Variants in JMJD1C observed in about 807,000 individuals in gnomAD.
JMJD1C encodes jumonji domain containing 1C.
In JMJD1C, 31 loss-of-function variants were observed where a neutral mutation model predicts 245.3. That is an observed-to-expected ratio of 0.13 (90% CI 0.09 to 0.17). The LOEUF (loss-of-function observed/expected upper bound fraction) is 0.17, where lower values mean the gene tolerates loss of function less well. JMJD1C is among the 10% of genes least tolerant of loss of function. The probability of loss-of-function intolerance (pLI) is 1.00; values close to 1 mark genes in which losing one functional copy is unlikely to be tolerated. For synonymous variants in JMJD1C, 1,057 were observed against 1,017.4 expected, an observed-to-expected ratio of 1.04 and a Z score of -0.74; for missense variants, 2,691 against 3,000.2, an observed-to-expected ratio of 0.90 and a Z score of 2.41.
At position 63,214,515 on chromosome 10, in the gene JMJD1C, G is replaced by A. The variant is rs1847741693; in HGVS notation, c.1652C>T (p.Ala551Val). Residue 551 changes from alanine (A) to valine (V), a missense_variant, in exon 8 of 26, where the codon GCA becomes GTA. Physicochemically the swap from Ala to Val is moderately conservative, Grantham distance 64. Around this residue, in one of 9 missense-constraint regions of JMJD1C, gnomAD observed 1,562 missense variants for 1,490.7 expected, o/e 1.05. Transcript: ENST00000399262. ...TTTTTTTGCTGTTTCCAAGAATTTT[G>A]CATTTGCAATAGAGTGTTTTGAATC... is the stretch of plus-strand genomic sequence containing the variant. ...VSDSKHSIANAKFLETAKKDS... is the reference protein window; with the variant it reads ...VSDSKHSIANVKFLETAKKDS... 2.5e-6 allele frequency: 4 copies of A among 1,613,854 alleles called. No homozygotes were observed. The highest frequency in any genetic ancestry group is 3.4e-6 in the Non-Finnish European group (4 of 1,179,954).
chr10:63,209,337 A>T (rs1847044823), intron 8 of JMJD1C, 102 bp from the exon 9 acceptor site: 1 of 869,376 alleles, frequency 1.2e-6, no homozygotes, highest in Admixed American at 3.6e-5. Context: ...GTGGTTTATT[A>T]GTTCATTCAA....
At chr10:63,435,097 T>C (rs908475241) in intron 1 of JMJD1C, among the ~76,000 whole-genome samples, 2 of 152,232 alleles carry the variant, frequency 1.3e-5, no homozygotes, top group Non-Finnish European at 2.9e-5. Flanking sequence ...TTGGAATAAA[T>C]CATTTCCTGA....
intron 1 of JMJD1C, among the ~76,000 whole-genome samples, chr10:63,504,739 C>T (rs577987444): frequency 2.3e-4 from 35 of 152,174 alleles, no homozygotes; most frequent in Admixed American, 5.9e-4. Flanking sequence ...TGAAACAGGT[C>T]AATAATAGAA....
intron 22 of JMJD1C, among the ~76,000 whole-genome samples, chr10:63,179,241 C>T (rs1444761611): frequency 3.9e-5 from 6 of 151,970 alleles, no homozygotes; most frequent in African/African-American, 1.4e-4. Flanking sequence ...GAAACCCCAT[C>T]TCTACTAAAA....
chr10:63,230,170 C>T (rs2133380279), intron 3 of JMJD1C, among the ~76,000 whole-genome samples: 1 of 152,220 alleles, frequency 6.6e-6, no homozygotes, highest in African/African-American at 2.4e-5. Flanking sequence ...ATCAGGAGTT[C>T]GAGACCAGCC....
At chr10:63,208,967 T>G in intron 9 of JMJD1C, 96 bp downstream of exon 9, 2 of 1,162,352 alleles carry the variant, frequency 1.7e-6, no homozygotes, top group Non-Finnish European at 2.4e-6. Flanking sequence ...AGCCTAATCT[T>G]AAGATATGTG....
At chr10:63,386,772 C>T (rs758752193) in intron 1 of JMJD1C, among the ~76,000 whole-genome samples, 18 of 152,162 alleles carry the variant, frequency 1.2e-4, no homozygotes, top group Non-Finnish European at 1.5e-4. Context: ...AACTATGCCA[C>T]GCCTACCGCC....
At chr10:63,388,424 A>T (rs118124354) in intron 1 of JMJD1C, among the ~76,000 whole-genome samples, 1 of 152,192 alleles carries the variant, frequency 6.6e-6, no homozygotes, top group Non-Finnish European at 1.5e-5. Context: ...AGTCTTTCCT[A>T]AACAAGTAAA....
intron 1 of JMJD1C, among the ~76,000 whole-genome samples, chr10:63,381,885 A>C (rs559459701): frequency 2.0e-4 from 30 of 152,266 alleles, no homozygotes; most frequent in Admixed American, 9.2e-4. Flanking sequence ...TGTACTGATG[A>C]CTCTAGAAGG....
At chr10:63,490,515 A>C (rs192770317) in intron 1 of JMJD1C, among the ~76,000 whole-genome samples, 22 of 151,782 alleles carry the variant, frequency 1.4e-4, no homozygotes, top group African/African-American at 5.1e-4. Context: ...TCCTAGGTTC[A>C]AATGATTCTT....
At chr10:63,293,626 TTCCTTTGAAAC>T (rs1332369087) in intron 2 of JMJD1C, among the ~76,000 whole-genome samples, 2 of 152,234 alleles carry the variant, frequency 1.3e-5, no homozygotes, top group Non-Finnish European at 2.9e-5. Context: ...TAATTCTGCA[TTCCTTTGAAAC>T]TCCTCTCTCA....
intron 3 of JMJD1C, among the ~76,000 whole-genome samples, chr10:63,232,519 T>C (rs982654707): frequency 4.6e-5 from 7 of 152,254 alleles, no homozygotes; most frequent in Admixed American, 3.9e-4. Context: ...TATTAACTGT[T>C]ATGAAGGAAA....
chr10:63,214,611 T>G lies in JMJD1C; in HGVS notation c.1556A>C (p.Glu519Ala). 10 of 1,614,178 alleles carry G rather than the reference T, an allele frequency of 6.2e-6. No homozygotes were observed. The highest frequency in any genetic ancestry group is 1.7e-4 in the Middle Eastern group (1 of 6,060). The change falls in exon 8 of 26, where the codon GAA (glutamate) becomes GCA (alanine). Residue 519 changes from glutamate to alanine, a missense_variant. Glu to Ala is a moderately radical substitution (Grantham distance 107). Transcript: ENST00000399262. ...VIDITNDTNL[E>A]KVAQENSSTF... ...ACTTGAGTTTTCCTGAGCCACCTTT[T>G]CTAAATTAGTGTCATTTGTAATATC...
At chr10:63,172,625 G>A (rs1842475620) in intron 24 of JMJD1C, among the ~76,000 whole-genome samples, 2 of 151,824 alleles carry the variant, frequency 1.3e-5, no homozygotes, top group South Asian at 4.2e-4. Context: ...ATTTTAAGGT[G>A]ACAACTGAAA....
intron 2 of JMJD1C, among the ~76,000 whole-genome samples, chr10:63,296,606 C>A (rs1444469779): frequency 2.0e-5 from 3 of 152,196 alleles, no homozygotes; most frequent in African/African-American, 7.2e-5. Flanking sequence ...ATCACCTGTT[C>A]AATCTCAGTT....
At chr10:63,515,234 G>A (rs377593350) in intron 1 of JMJD1C, among the ~76,000 whole-genome samples, 2 of 152,164 alleles carry the variant, frequency 1.3e-5, no homozygotes, top group Non-Finnish European at 2.9e-5. Flanking sequence ...AGAGTTGACT[G>A]GAGCTGCATT....
intron 2 of JMJD1C, among the ~76,000 whole-genome samples, chr10:63,267,747 T>G (rs1343934205): frequency 1.3e-5 from 2 of 151,684 alleles, no homozygotes; most frequent in African/African-American, 4.8e-5. Flanking sequence ...AGAGTGAGAG[T>G]TTTTTTTAAG....
At chr10:63,253,433 T>C (rs1292456234) in intron 3 of JMJD1C, among the ~76,000 whole-genome samples, 1 of 151,828 alleles carries the variant, frequency 6.6e-6, no homozygotes, top group Non-Finnish European at 1.5e-5. Flanking sequence ...GCCCAGGCTG[T>C]AGTGCACAGG....
At chr10:63,179,353 G>A (rs2132838415) in intron 22 of JMJD1C, among the ~76,000 whole-genome samples, 1 of 151,398 alleles carries the variant, frequency 6.6e-6, no homozygotes, top group South Asian at 2.1e-4. Context: ...AGGTTACGGT[G>A]AGCCAAGATC....
Sources: gnomAD v4.1 joint callset for allele counts (sites outside exome capture counted in the v4.1 genomes callset) on GRCh38, gnomAD v4.1.1 for gene constraint, gnomAD v4.1.1 regional missense constraint, MANE v1.5 for transcripts, NCBI Gene and HGNC (gene_info 2026-07-23, HGNC 2026-07-21) for gene names.